The following MBD1 variants were observed in gnomAD, a reference collection of about 807,000 sequenced individuals.
MBD1 encodes the protein methyl-CpG-binding domain protein 1.
Under a neutral mutation model 82.6 loss-of-function variants are expected in MBD1, and 25 were observed. The ratio of observed to expected loss-of-function variants is 0.30; its 90% CI spans 0.22 to 0.42. The LOEUF (loss-of-function observed/expected upper bound fraction) is 0.42, where lower values mean the gene tolerates loss of function less well. Among genes scored for constraint, MBD1 ranks in the 10% least tolerant of loss-of-function variants. MBD1 has a pLI of 1.00. For missense variants in MBD1, 627 were observed against 819.6 expected (o/e 0.76, Z 2.87); for synonymous variants, 301 against 303.7 (o/e 0.99, Z 0.09).
At chr18:50,268,623 G>A (rs970299299), downstream of MBD1, among the ~76,000 whole-genome samples, 1 of 152,236 alleles carries the variant, frequency 6.6e-6, no homozygotes, top group Non-Finnish European at 1.5e-5. Context: ...GGCGCCCCCT[G>A]GCGGACCCAC....
In MBD1 at chr18:50,276,666, A is replaced by T; in HGVS notation, c.471T>A (p.Cys157Ter). The stretch of plus-strand genomic sequence containing the variant: ...CATCCTCTGGAGGCCACTCACCTCG[A>T]CAGTCTTTGCACAACGTTTTGAGCC... Reference protein sequence around the residue: ...RQRLKTLCKDCRAQRIAFNRE... With the variant: ...RQRLKTLCKD The change falls in exon 5 of 17, where the codon TGT (cysteine) becomes TGA (stop). Residue 157 changes from cysteine (C) to a stop codon, truncating the protein, a stop_gained. Transcript: ENST00000269468. LOFTEE classifies it high-confidence loss of function. 1 of 1,614,162 alleles carries T rather than the reference A, an allele frequency of 6.2e-7. No homozygotes were observed. The highest frequency in any genetic ancestry group is 8.5e-7 in the Non-Finnish European group (1 of 1,180,030).
intron 10 of MBD1, 39 bp from the exon 11 acceptor site, chr18:50,274,392 T>G (rs1044954439): frequency 1.3e-6 from 2 of 1,599,362 alleles, no homozygotes; most frequent in Non-Finnish European, 1.7e-6. Context: ...CAACTAGGAC[T>G]AGGAGAGGCC....
chr18:50,270,130 G>C (rs1234038473), intron 16 of MBD1: 2 of 1,598,360 alleles, frequency 1.3e-6, no homozygotes, highest in Non-Finnish European at 1.7e-6. Flanking sequence ...CTTGACTAGG[G>C]CTGAACTAGT....
At position 50,269,571 on chromosome 18, in the gene MBD1, C is replaced by T; in HGVS notation, c.*280G>A. The T allele has an allele frequency of 1.4e-6, 1 of 718,550 alleles. No homozygotes were observed. The highest frequency in any genetic ancestry group is 2.0e-5 in the Admixed American group (1 of 50,036). The allele number at this position is 718,550 out of a possible 1,614,324, so 44.5% of individuals were successfully genotyped here. On this transcript the variant is annotated 3_prime_UTR_variant, in exon 17 of 17. Transcript: ENST00000269468. ...AGGCCTGCAGCCAGGCCTGCAGCTG[C>T]TCCACCTTCCCCAGGATCATCCTTT...
In MBD1 at chr18:50,269,776, C is replaced by T. The variant is rs1223547236; in HGVS notation, c.*75G>A. The T allele has an allele frequency of 1.3e-6, 1 of 784,116 alleles. No homozygotes were observed. The highest frequency in any genetic ancestry group is 2.4e-6 in the Non-Finnish European group (1 of 420,882). The allele number at this position is 784,116 out of a possible 1,614,324, so 48.6% of individuals were successfully genotyped here. A position where few individuals can be genotyped will look rare whatever the true frequency, so the allele number is the denominator to read the frequency against. On this transcript the variant is annotated 3_prime_UTR_variant, in exon 17 of 17. Transcript: ENST00000269468. Reference sequence around the variant, plus strand: ...GCTCCACTGTGTCCTCGGTCTCCCACACTTTACATCCATCTTCCCTTCCCG... The same window carrying T: ...GCTCCACTGTGTCCTCGGTCTCCCATACTTTACATCCATCTTCCCTTCCCG...
rs559798763 is a variant in MBD1, at chr18:50,275,658, C to T, written c.734G>A (p.Arg245His). Residue 245 changes from arginine to histidine, a missense_variant, in exon 8 of 17, where the codon CGC (arginine) becomes CAC (histidine). Arg to His is a conservative substitution (Grantham distance 29). Around this residue, in one of 6 missense-constraint regions of MBD1, gnomAD observed 228 missense variants for 318.1 expected, o/e 0.72. Transcript: ENST00000269468. ...EDCGHCPICL[R>H]PPRPGLRRQW... ...GCGCCTGAGACCAGGGCGGGGAGGG[C>T]GAAGGCAGATGGGGCAATGGCCACA... is the stretch of plus-strand genomic sequence containing the variant. 9.9e-6 allele frequency: 16 copies of T among 1,614,134 alleles called. No homozygotes were observed. Among genetic ancestry groups the T allele is most frequent in the East Asian group, 2.2e-5 (1 of 44,878 alleles).
intron 1 of MBD1, among the ~76,000 whole-genome samples, chr18:50,280,809 C>T (rs1471907479): frequency 6.6e-6 from 1 of 152,056 alleles, no homozygotes; most frequent in Non-Finnish European, 1.5e-5. Context: ...CTCCTCCTTA[C>T]TGTTCTCATC....
chr18:50,268,666 C>G (rs909709924), downstream of MBD1, among the ~76,000 whole-genome samples: 1 of 152,204 alleles, frequency 6.6e-6, no homozygotes, highest in East Asian at 1.9e-4. Context: ...CAGTGCTGAG[C>G]ACCAAGAGCC....
intron 16 of MBD1, chr18:50,270,662 T>A (rs1365308745): frequency 4.0e-6 from 1 of 249,526 alleles, no homozygotes; most frequent in East Asian, 8.3e-5. Flanking sequence ...GCACCTGGGG[T>A]CTGCAGGAAA....
intron 15 of MBD1, among the ~76,000 whole-genome samples, chr18:50,271,969 ACTCCTCTGTCCT>A (rs2035757060): frequency 6.6e-6 from 1 of 152,078 alleles, no homozygotes; most frequent in Non-Finnish European, 1.5e-5. Flanking sequence ...AGGAGCCAGC[ACTCCTCTGTCCT>A]CCCAACCACC....
rs1394915033 is a variant in MBD1 at position 50,275,204 on chromosome 18, C to A, written c.834G>T (p.Met278Ile). Residue 278 changes from methionine (M) to isoleucine (I), a missense_variant, in exon 9 of 17, where the codon ATG (methionine) becomes ATT (isoleucine). This residue lies in a region of MBD1 where 228 missense variants were observed against 318.1 expected (regional missense o/e 0.72). Transcript: ENST00000269468. ...ARRKGGCDSK[M>I]AARRRPGAQP... is the part of the protein sequence containing the mutation. ...GGGCTCCGGGGCGCCGCCTGGCAGC[C>A]ATCTTGGAGTCACAGCCTCCCTTGC... 23 of 1,614,160 alleles carry A rather than the reference C, an allele frequency of 1.4e-5. No homozygotes were observed. Among genetic ancestry groups the A allele is most frequent in the Non-Finnish European group, 1.9e-5 (23 of 1,180,018 alleles).
rs1472810012 is a variant in MBD1, at chr18:50,272,413, T to G, written c.1778+264A>C. On this transcript the variant is annotated intron_variant, in intron 15 of 16. Transcript: ENST00000269468. ...AAATAGGGACCAGACTCCCTATCTTTTTCTTTCAAATCTCATGATAGAGTA... is the reference window on the plus strand; with the variant it reads ...AAATAGGGACCAGACTCCCTATCTTGTTCTTTCAAATCTCATGATAGAGTA... 4 of 520,888 alleles carry G rather than the reference T, an allele frequency of 7.7e-6. No individual in the cohort carries two copies. In the Admixed American group the frequency reaches 1.3e-4, roughly 17 times the overall value. 32.3% of individuals were successfully genotyped at this position (520,888 alleles called of 1,614,324 possible).
intron 6 of MBD1, 162 bp downstream of exon 6, chr18:50,276,216 T>C (rs751181796): frequency 4.7e-6 from 4 of 845,474 alleles, no homozygotes; most frequent in Non-Finnish European, 7.8e-6. Flanking sequence ...TGGGGATTAA[T>C]TACCCCATTA....
rs201274000 is a variant in MBD1 at position 50,274,337 on chromosome 18, C to T, written c.995G>A (p.Arg332His). 64 of 1,613,240 alleles carry T rather than the reference C, an allele frequency of 4.0e-5. No individual in the cohort carries two copies. Among genetic ancestry groups the T allele is most frequent in the Non-Finnish European group, 5.2e-5 (61 of 1,179,842 alleles). ...DEDELQPYTN[R>H]RQNRKCGACA... ...GGCCCCGCACTTGCGGTTCTGCCGG[C>T]GGTTCGTGTAGGGCTGCTGGGGTGG... is the stretch of plus-strand genomic sequence containing the variant. The change falls in exon 11 of 17, where the codon CGC (arginine) becomes CAC (histidine). Residue 332 changes from arginine to histidine, a missense_variant. Coordinates refer to ENST00000269468, the MANE Select transcript of MBD1 (RefSeq NM_015846.4).
At chr18:50,276,607 C>T in intron 5 of MBD1, 55 bp downstream of exon 5, 1 of 1,583,444 alleles carries the variant, frequency 6.3e-7, no homozygotes. Context: ...TAGCATGACA[C>T]TGGACCTGCT....
rs750294772 is a variant in MBD1, at chr18:50,275,229, C to A, written c.809G>T (p.Arg270Leu). Residue 270 changes from arginine (R) to leucine (L), a missense_variant, in exon 9 of 17, where the codon CGC becomes CTC. Physicochemically the swap from Arg to Leu is moderately radical, Grantham distance 102. Around this residue, in one of 6 missense-constraint regions of MBD1, gnomAD observed 228 missense variants for 318.1 expected, o/e 0.72. Transcript: ENST00000269468. ...CATCTTGGAGTCACAGCCTCCCTTGCGGCGGGCATGTTTACCCTGGGAAAG... is the reference window on the plus strand; with the variant it reads ...CATCTTGGAGTCACAGCCTCCCTTGAGGCGGGCATGTTTACCCTGGGAAAG... Reference protein sequence around the residue: ...RRCLRGKHARRKGGCDSKMAA... With the variant: ...RRCLRGKHARLKGGCDSKMAA... The A allele has an allele frequency of 4.3e-6, 7 of 1,613,988 alleles. No individual in the cohort carries two copies. Among genetic ancestry groups the A allele is most frequent in the Non-Finnish European group, 5.9e-6 (7 of 1,180,010 alleles).
chr18:50,275,555 G>A (rs778119144), intron 8 of MBD1, 45 bp downstream of exon 8: 14 of 1,613,756 alleles, frequency 8.7e-6, no homozygotes, highest in Admixed American at 1.7e-5. Context: ...AGGCAGCGAC[G>A]ATTTTAACAG....
chr18:50,275,299 A>C, intron 8 of MBD1, 54 bp from the exon 9 acceptor site: 5 of 1,611,418 alleles, frequency 3.1e-6, no homozygotes, highest in Non-Finnish European at 3.4e-6. Flanking sequence ...GCAGACACAG[A>C]AACTCCCCAC....
intron 16 of MBD1, 183 bp downstream of exon 16, chr18:50,271,286 C>T: frequency 6.8e-7 from 1 of 1,470,226 alleles, no homozygotes; most frequent in Non-Finnish European, 8.9e-7. Flanking sequence ...ACTTTCTACT[C>T]TTTCTCTTCC....
Sources: allele counts gnomAD v4.1 joint callset (sites outside exome capture counted in the v4.1 genomes callset), GRCh38; gene constraint gnomAD v4.1.1; regional missense constraint gnomAD v4.1.1; transcripts MANE v1.5; gene names NCBI Gene and HGNC (gene_info 2026-07-23, HGNC 2026-07-21).